GLP2R: variants seen among roughly 807,000 people sequenced by gnomAD.
The protein encoded by GLP2R is glucagon like peptide 2 receptor.
Under a neutral mutation model 68.2 loss-of-function variants are expected in GLP2R, and 59 were observed. The observed-to-expected ratio is 0.87, with a 90% CI of 0.70 to 1.07. The LOEUF (loss-of-function observed/expected upper bound fraction) is 1.07. Ranked by LOEUF, GLP2R falls within the 50% of genes least tolerant of loss-of-function variation. The probability of loss-of-function intolerance (pLI) is 0.00; values close to 1 mark genes in which losing one functional copy is unlikely to be tolerated. For synonymous variants in GLP2R, 270 were observed against 265.4 expected (o/e 1.02, Z -0.17); for missense variants, 548 against 677.4 (o/e 0.81, Z 2.12).
At chr17:9,887,873 A>G (rs1175241626) in intron 11 of GLP2R, 59 bp from the exon 12 acceptor site, 22 of 1,281,674 alleles carry the variant, frequency 1.7e-5, no homozygotes, top group East Asian at 1.6e-4. Flanking sequence ...GTTGCCAGTA[A>G]CTCTCAGACA....
intron 1 of GLP2R, 24 bp from the exon 2 acceptor site, chr17:9,833,783 G>T: frequency 2.0e-6 from 3 of 1,498,378 alleles, no homozygotes; most frequent in Non-Finnish European, 1.8e-6. Context: ...GTCACTGGGG[G>T]TGACCATGTT....
chr17:9,849,440 T>C (rs1208325112), intron 4 of GLP2R, among the ~76,000 whole-genome samples: 2 of 152,072 alleles, frequency 1.3e-5, no homozygotes, highest in African/African-American at 4.8e-5. Flanking sequence ...ATTTCATCCA[T>C]ATTTAATATT....
At chr17:9,847,277 CTTTTTTTTT>C (rs1195076370) in intron 4 of GLP2R, among the ~76,000 whole-genome samples, 2 of 150,446 alleles carry the variant, frequency 1.3e-5, no homozygotes, top group African/African-American at 4.9e-5. Flanking sequence ...ATTTTTTTTT[CTTTTTTTTT>C]GAAACGGAGT....
intron 4 of GLP2R, among the ~76,000 whole-genome samples, chr17:9,851,232 G>A (rs939902254): frequency 5.9e-5 from 9 of 151,852 alleles, no homozygotes; most frequent in Non-Finnish European, 1.2e-4. Context: ...CATGCTATTC[G>A]ACCCAGTAAT....
chr17:9,859,005 T>C (rs2066959173), intron 6 of GLP2R, among the ~76,000 whole-genome samples: 2 of 152,210 alleles, frequency 1.3e-5, no homozygotes, highest in Admixed American at 1.3e-4. Context: ...GTACTTTCTT[T>C]GGGCTTAATT....
At position 9,826,204 on chromosome 17, in the gene GLP2R, C is replaced by T; in HGVS notation, c.141C>T (p.Ala47=). ...LSFHRKCSLW[A]PGRPFLTLVL... ...TCCACAGGAAGTGCTCTCTCTGGGCCCCTGGGAGGCCCTTCCTCACTCTGG... is the reference window on the plus strand; with the variant it reads ...TCCACAGGAAGTGCTCTCTCTGGGCTCCTGGGAGGCCCTTCCTCACTCTGG... The change falls in exon 1 of 13, where the codon GCC becomes GCT. Residue 47 remains alanine (A), a synonymous_variant. Coordinates refer to ENST00000262441, the MANE Select transcript of GLP2R (RefSeq NM_004246.3). The T allele has an allele frequency of 6.2e-7, 1 of 1,612,752 alleles. No individual in the cohort carries two copies. The highest frequency in any genetic ancestry group is 8.5e-7 in the Non-Finnish European group (1 of 1,179,578).
At chr17:9,835,025 C>CTTTT (rs35950679) in intron 2 of GLP2R, among the ~76,000 whole-genome samples, 14 of 83,150 alleles carry the variant, frequency 1.7e-4, no homozygotes, top group African/African-American at 2.8e-4. Flanking sequence ...GAAACCTGGC[C>CTTTT]TTTTTTTTTT....
At chr17:9,865,684 A>G (rs1424424718) in intron 9 of GLP2R, 11 of 382,144 alleles carry the variant, frequency 2.9e-5, no homozygotes, top group Non-Finnish European at 2.1e-5. Flanking sequence ...TCTCCTTGGA[A>G]ACTGAGTCCT....
At chr17:9,859,358 T>C (rs879715745) in intron 6 of GLP2R, among the ~76,000 whole-genome samples, 11 of 152,178 alleles carry the variant, frequency 7.2e-5, no homozygotes, top group Non-Finnish European at 1.5e-4. Context: ...ATTTTCTACA[T>C]TTTTGTTTGT....
In GLP2R at chr17:9,890,036, A is replaced by G. The variant is rs372054700; in HGVS notation, c.*331A>G. The G allele has an allele frequency of 6.3e-5, 30 of 476,990 alleles. No homozygotes were observed. The highest frequency in any genetic ancestry group is 4.5e-4 in the African/African-American group (23 of 51,036). The allele number at this position is 476,990 out of a possible 1,614,324, so 29.5% of individuals were successfully genotyped here. A position where few individuals can be genotyped will look rare whatever the true frequency, so the allele number is the denominator to read the frequency against. ...TCTCCTGTTATAGAGAAGCCAGCCA[A>G]TATCTCTTCCTTTATCCCTTGGGGT... is the stretch of plus-strand genomic sequence containing the variant. On this transcript the variant is annotated 3_prime_UTR_variant, in exon 13 of 13. Coordinates refer to ENST00000262441, the MANE Select transcript of GLP2R (RefSeq NM_004246.3).
At chr17:9,840,287 T>C (rs895311527) in intron 3 of GLP2R, among the ~76,000 whole-genome samples, 4 of 152,202 alleles carry the variant, frequency 2.6e-5, no homozygotes, top group African/African-American at 7.2e-5. Flanking sequence ...TGAGGCCTCT[T>C]CTATACCTGT....
intron 6 of GLP2R, among the ~76,000 whole-genome samples, chr17:9,859,519 A>G (rs1339503530): frequency 3.9e-5 from 6 of 151,956 alleles, no homozygotes; most frequent in Non-Finnish European, 8.8e-5. Context: ...GGGGCCGGGC[A>G]CGGTGGCTAA....
rs755292718 is a variant in GLP2R, at chr17:9,826,183, C to G, written c.120C>G (p.His40Gln). 1 of 1,613,388 alleles carries G rather than the reference C, an allele frequency of 6.2e-7. No homozygotes were observed. Among genetic ancestry groups the G allele is most frequent in the Admixed American group, 1.7e-5 (1 of 59,968 alleles). The change falls in exon 1 of 13, where the codon CAC becomes CAG. Residue 40 changes from histidine (H) to glutamine (Q), a missense_variant. Physicochemically the swap from His to Gln is conservative, Grantham distance 24 (BLOSUM62 0). Transcript: ENST00000262441. ...APWGTSPLSF[H>Q]RKCSLWAPGR... ...GGGGGACCAGTCCTCTCTCCTTCCA[C>G]AGGAAGTGCTCTCTCTGGGCCCCTG...
intron 4 of GLP2R, among the ~76,000 whole-genome samples, chr17:9,850,073 G>T (rs577333746): frequency 1.3e-5 from 2 of 152,316 alleles, no homozygotes; most frequent in African/African-American, 2.4e-5. Context: ...TGCCATCGGG[G>T]TTATACATTT....
At chr17:9,856,215 A>T (rs2066932383) in intron 5 of GLP2R, among the ~76,000 whole-genome samples, 1 of 152,150 alleles carries the variant, frequency 6.6e-6, no homozygotes, top group African/African-American at 2.4e-5. Context: ...CCCTGTCCCA[A>T]AGTCCCAGGA....
In GLP2R at chr17:9,865,813, T is replaced by G. The variant is rs1413760859; in HGVS notation, c.1056+3723T>G. On this transcript the variant is annotated intron_variant, in intron 9 of 12. Transcript: ENST00000262441. ...GCTCTTAGAGAGGACATTGCTTAAC[T>G]ATTGTTGTCTGTGTCTACAGGCACT... 1.7e-5 allele frequency: 8 copies of G among 471,034 alleles called. No homozygotes were observed. In the East Asian group the frequency reaches 5.6e-4, roughly 33 times the overall value. 29.2% of individuals were successfully genotyped at this position (471,034 alleles called of 1,614,324 possible). A position where few individuals can be genotyped will look rare whatever the true frequency, so the allele number is the denominator to read the frequency against.
At chr17:9,864,808 C>A (rs902763252) in intron 9 of GLP2R, among the ~76,000 whole-genome samples, 1 of 152,152 alleles carries the variant, frequency 6.6e-6, no homozygotes, top group African/African-American at 2.4e-5. Flanking sequence ...CAGGCATGAG[C>A]CACCGTGTCT....
chr17:9,879,801 A>G (rs1429782405), intron 10 of GLP2R, among the ~76,000 whole-genome samples: 4 of 152,184 alleles, frequency 2.6e-5, no homozygotes, highest in Non-Finnish European at 5.9e-5. Flanking sequence ...ACCAGGGTTA[A>G]GGGGCAACAT....
intron 1 of GLP2R, among the ~76,000 whole-genome samples, chr17:9,828,844 A>T (rs1203487331): frequency 6.6e-6 from 1 of 152,126 alleles, no homozygotes; most frequent in African/African-American, 2.4e-5. Flanking sequence ...AATCAATAAC[A>T]TGTCTGCTGG....
Sources: gnomAD v4.1 joint callset for allele counts (sites outside exome capture counted in the v4.1 genomes callset) on GRCh38, gnomAD v4.1.1 for gene constraint, MANE v1.5 for transcripts, NCBI Gene and HGNC (gene_info 2026-07-23, HGNC 2026-07-21) for gene names.